MARCHF1: variants seen among roughly 807,000 people sequenced by gnomAD.
The protein encoded by MARCHF1 is E3 ubiquitin-protein ligase MARCHF1.
Under a neutral mutation model 54.2 loss-of-function variants are expected in MARCHF1, and 40 were observed. The observed-to-expected ratio is 0.74, with a 90% confidence interval of 0.57 to 0.96. MARCHF1 has a LOEUF of 0.96. Among genes scored for constraint, MARCHF1 ranks in the 40% least tolerant of loss-of-function variants. The pLI is 0.00. For synonymous variants in MARCHF1, 236 were observed against 236.3 expected (o/e 1.00, Z 0.01); for missense variants, 586 against 656.5 (o/e 0.89, Z 1.17).
At chr4:164,309,351 C>A (rs1410809349) in intron 1 of MARCHF1, among the ~76,000 whole-genome samples, 1 of 151,780 alleles carries the variant, frequency 6.6e-6, no homozygotes, top group Admixed American at 6.6e-5. Flanking sequence ...GCGCTCCCTG[C>A]CACATTTCAG....
At position 163,612,301 on chromosome 4, in the gene MARCHF1, T is replaced by TC; in HGVS notation, c.979dup (p.Asp327GlyfsTer5). Reference sequence around the variant, plus strand: ...TACTTCTAAATTATCAGACCCATCGTCATAGGTGGCAGGAGGCTTCTGAAC... The same window carrying TC: ...TACTTCTAAATTATCAGACCCATCGTCCATAGGTGGCAGGAGGCTTCTGAAC... On this transcript the variant is annotated frameshift_variant, in exon 7 of 10. Transcript: ENST00000514618. LOFTEE classifies it high-confidence loss of function. 6.6e-7 allele frequency: 1 copy of TC among 1,520,386 alleles called. No individual in the cohort carries two copies. Among genetic ancestry groups the TC allele is most frequent in the Non-Finnish European group, 8.8e-7 (1 of 1,141,758 alleles). 94.2% of individuals were successfully genotyped at this position (1,520,386 alleles called of 1,614,324 possible).
At chr4:163,921,708 G>C (rs1313712855) in intron 3 of MARCHF1, among the ~76,000 whole-genome samples, 1 of 152,152 alleles carries the variant, frequency 6.6e-6, no homozygotes, top group Admixed American at 6.5e-5. Flanking sequence ...TGATTAATTA[G>C]AACTGTTTAA....
intron 2 of MARCHF1, among the ~76,000 whole-genome samples, chr4:164,004,715 G>A (rs1423852923): frequency 6.6e-6 from 1 of 151,864 alleles, no homozygotes; most frequent in Non-Finnish European, 1.5e-5. Flanking sequence ...CCCCCCAACT[G>A]GAAGTCAAGT....
intron 5 of MARCHF1, among the ~76,000 whole-genome samples, chr4:163,696,468 C>T (rs929285906): frequency 6.6e-6 from 1 of 152,140 alleles, no homozygotes; most frequent in African/African-American, 2.4e-5. Flanking sequence ...CCAGATGACA[C>T]TTCAGTGACT....
chr4:163,695,450 A>C (rs1271902514), intron 5 of MARCHF1, among the ~76,000 whole-genome samples: 1 of 152,178 alleles, frequency 6.6e-6, no homozygotes, highest in Non-Finnish European at 1.5e-5. Context: ...TTGCAGAATT[A>C]ACTGGTGTGC....
At chr4:164,173,803 C>A (rs1366905180) in intron 1 of MARCHF1, among the ~76,000 whole-genome samples, 1 of 152,166 alleles carries the variant, frequency 6.6e-6, no homozygotes, top group Admixed American at 6.5e-5. Context: ...TCTGTACAGC[C>A]TGCAGAATCG....
intron 4 of MARCHF1, among the ~76,000 whole-genome samples, chr4:163,822,301 C>T (rs550255138): frequency 6.6e-6 from 1 of 151,892 alleles, no homozygotes; most frequent in East Asian, 1.9e-4. Context: ...CTACTTTGTG[C>T]AACATGCATT....
intron 1 of MARCHF1, among the ~76,000 whole-genome samples, chr4:164,286,847 T>G (rs1734162798): frequency 6.7e-6 from 1 of 149,992 alleles, no homozygotes. Flanking sequence ...TGTGGGAAGC[T>G]TATGAGTATT....
At chr4:163,812,140 G>T (rs944097246) in intron 4 of MARCHF1, among the ~76,000 whole-genome samples, 1 of 151,952 alleles carries the variant, frequency 6.6e-6, no homozygotes, top group African/African-American at 2.4e-5. Context: ...CCATCAATAT[G>T]GGCTTTCTTG....
At chr4:164,242,322 T>TGACCCCCGAGCAGCCTAACTGGGAGGC (rs1732794111) in intron 1 of MARCHF1, among the ~76,000 whole-genome samples, 1 of 146,532 alleles carries the variant, frequency 6.8e-6, no homozygotes, top group African/African-American at 2.6e-5. Context: ...CCCTGACCCC[T>TGACCCCCGAGCAGCCTAACTGGGAGGC]GACCCCCGAG....
chr4:163,576,843 T>G (rs772258238), intron 8 of MARCHF1, among the ~76,000 whole-genome samples: 9 of 152,048 alleles, frequency 5.9e-5, no homozygotes, highest in Non-Finnish European at 1.3e-4. Context: ...ACTATTGGTT[T>G]AAAGTCTGTT....
chr4:163,547,522 A>G (rs750098817), intron 8 of MARCHF1, among the ~76,000 whole-genome samples: 4 of 152,114 alleles, frequency 2.6e-5, no homozygotes, highest in Non-Finnish European at 4.4e-5. Context: ...TCATCTTGCA[A>G]TCTTGAGGAA....
intron 1 of MARCHF1, among the ~76,000 whole-genome samples, chr4:164,308,077 G>A (rs1340666640): frequency 6.6e-6 from 1 of 152,136 alleles, no homozygotes; most frequent in Admixed American, 6.5e-5. Context: ...CAGTGTATGG[G>A]AGAGGCTGGA....
Position 163,529,058 on chromosome 4 carries a change from A to G in MARCHF1, c.1340-12T>C, listed in dbSNP as rs1472319622. The G allele has an allele frequency of 1.3e-6, 2 of 1,583,732 alleles. No homozygotes were observed. Among genetic ancestry groups the G allele is most frequent in the South Asian group, 2.3e-5 (2 of 87,222 alleles). On this transcript the variant is annotated splice_polypyrimidine_tract_variant and intron_variant, in intron 9 of 9. Transcript: ENST00000514618. The stretch of plus-strand genomic sequence containing the variant: ...CCATTCAAGGACACCTTTGAAATGA[A>G]AAAGAGAAAATGTTATCACCAAGTT...
At chr4:164,038,424 T>C (rs893264300) in intron 2 of MARCHF1, among the ~76,000 whole-genome samples, 2 of 152,194 alleles carry the variant, frequency 1.3e-5, no homozygotes, top group African/African-American at 2.4e-5. Flanking sequence ...ACCCGGGAGG[T>C]GGAGGTTGCA....
intron 1 of MARCHF1, among the ~76,000 whole-genome samples, chr4:164,201,134 A>G (rs945394139): frequency 1.3e-5 from 2 of 152,238 alleles, no homozygotes; most frequent in Non-Finnish European, 2.9e-5. Context: ...TTTGGGTTTT[A>G]TCTTAGCATA....
At chr4:163,741,967 C>T (rs946726360) in intron 4 of MARCHF1, among the ~76,000 whole-genome samples, 1 of 152,138 alleles carries the variant, frequency 6.6e-6, no homozygotes, top group Non-Finnish European at 1.5e-5. Context: ...GTTGTGCAAC[C>T]TCTACTAATT....
chr4:164,052,143 T>TG (rs554019055), intron 2 of MARCHF1, among the ~76,000 whole-genome samples: 32,312 of 111,128 alleles, frequency 0.29, 4,393 homozygotes, highest in Non-Finnish European at 0.38. Context: ...AAGTTTTTTT[T>TG]TTTGTTTTTT....
At chr4:163,913,095 T>G (rs1260421746) in intron 3 of MARCHF1, among the ~76,000 whole-genome samples, 1 of 152,198 alleles carries the variant, frequency 6.6e-6, no homozygotes, top group Non-Finnish European at 1.5e-5. Flanking sequence ...ACATTCAAAG[T>G]GTAAGGCCTT....
Sources: allele counts gnomAD v4.1 joint callset (sites outside exome capture counted in the v4.1 genomes callset), GRCh38; gene constraint gnomAD v4.1.1; transcripts MANE v1.5; gene names NCBI Gene and HGNC (gene_info 2026-07-23, HGNC 2026-07-21).